Variants in ACTN2 observed in about 807,000 individuals in gnomAD.
The protein encoded by ACTN2 is actinin alpha 2.
A neutral mutation model predicts 113.8 loss-of-function variants in ACTN2; 39 were observed. The ratio of observed to expected loss-of-function variants is 0.34; its 90% CI spans 0.27 to 0.45. The LOEUF (loss-of-function observed/expected upper bound fraction) is 0.45, where lower values mean the gene tolerates loss of function less well. Among genes scored for constraint, ACTN2 ranks in the 20% least tolerant of loss-of-function variants. ACTN2 has a pLI of 1.00. For synonymous variants in ACTN2, 429 were observed against 444.1 expected, an observed-to-expected ratio of 0.97 and a Z score of 0.43; for missense variants, 992 against 1,177.9, an observed-to-expected ratio of 0.84 and a Z score of 2.31.
Position 236,754,096 on chromosome 1 carries a change from T to G in ACTN2, c.1974+15T>G, listed in dbSNP as rs544375497. 1 of 1,613,070 alleles carries G rather than the reference T, an allele frequency of 6.2e-7. No individual in the cohort carries two copies. Among genetic ancestry groups the G allele is most frequent in the East Asian group, 2.2e-5 (1 of 44,888 alleles). Reference sequence around the variant, plus strand: ...ACAAGATGGAGGTAAGCCAGCGCCCTCCCAGGCGCTGTTCACAAGCCTTGC... The same window carrying G: ...ACAAGATGGAGGTAAGCCAGCGCCCGCCCAGGCGCTGTTCACAAGCCTTGC... On this transcript the variant is annotated intron_variant, in intron 16 of 20. Transcript: ENST00000366578. The surrounding 1 kb of genome is among the most constrained non-coding windows in gnomAD (Gnocchi z 4.9).
intron 14 of ACTN2, among the ~76,000 whole-genome samples, chr1:236,751,238 A>G (rs1659385839): frequency 6.6e-6 from 1 of 152,154 alleles, no homozygotes; most frequent in African/African-American, 2.4e-5. Context: ...AAAAGACTCT[A>G]CATGAATAGC....
chr1:236,760,475 A>G (rs879884894), intron 19 of ACTN2, among the ~76,000 whole-genome samples: 4 of 152,196 alleles, frequency 2.6e-5, no homozygotes, highest in African/African-American at 4.8e-5. Flanking sequence ...GCTGAAAGGT[A>G]AAAAAGGTTT....
At position 236,754,155 on chromosome 1, in the gene ACTN2, G is replaced by A. The variant is rs189782834; in HGVS notation, c.1974+74G>A. The A allele has an allele frequency of 6.2e-5, 98 of 1,586,050 alleles. No individual in the cohort carries two copies. Among genetic ancestry groups the A allele is most frequent in the Middle Eastern group, 6.0e-4 (3 of 4,994 alleles). On this transcript the variant is annotated intron_variant, in intron 16 of 20. Coordinates refer to ENST00000366578, the MANE Select transcript of ACTN2 (RefSeq NM_001103.4). This position sits in a 1 kb window ranked among gnomAD's most constrained non-coding sequence, Gnocchi z 4.9. Reference sequence around the variant, plus strand: ...CCTTTAGCCACGCAGCAGTGACACCGCACATGCTGTGGTTTCCAGCCACCC... The same window carrying A: ...CCTTTAGCCACGCAGCAGTGACACCACACATGCTGTGGTTTCCAGCCACCC...
chr1:236,713,195 G>A (rs1209086544), intron 1 of ACTN2, among the ~76,000 whole-genome samples: 1 of 150,932 alleles, frequency 6.6e-6, no homozygotes, highest in Non-Finnish European at 1.5e-5. Context: ...GATATGGAAT[G>A]ATCTCTAGGT....
intron 4 of ACTN2, among the ~76,000 whole-genome samples, chr1:236,722,084 C>T (rs1658413250): frequency 6.6e-6 from 1 of 152,100 alleles, no homozygotes; most frequent in Admixed American, 6.6e-5. Context: ...CCTACTAGAT[C>T]TCTTCAAGCA....
At chr1:236,704,163 C>G (rs899147545) in intron 1 of ACTN2, among the ~76,000 whole-genome samples, 2 of 152,164 alleles carry the variant, frequency 1.3e-5, no homozygotes, top group African/African-American at 4.8e-5. Flanking sequence ...GGGAAGCGTA[C>G]TGTAATTTGA....
In ACTN2 at chr1:236,735,383, AG is replaced by A. The variant is rs143344656; in HGVS notation, c.698-248del. Among the ~76,000 whole-genome samples, 9,073 of 152,158 alleles carry A rather than the reference AG, an allele frequency of 0.06. 321 individuals are homozygous for A. The highest frequency in any genetic ancestry group is 0.11 in the Middle Eastern group (33 of 294). On this transcript the variant is annotated intron_variant, in intron 7 of 20. Coordinates refer to ENST00000366578, the MANE Select transcript of ACTN2 (RefSeq NM_001103.4). ...TGAATGCACCTTTAAAAGCCCATCA[AG>A]GGGTGGGGGAGAAAACAAGCCCTCA...
At chr1:236,758,049 A>G (rs1454563018) in intron 18 of ACTN2, among the ~76,000 whole-genome samples, 4 of 152,014 alleles carry the variant, frequency 2.6e-5, no homozygotes, top group East Asian at 1.9e-4. Flanking sequence ...AACATATAAA[A>G]CTCAGTTTTC....
chr1:236,721,015 G>GGTTTTTTTTTTTTTTTTTTTTTTTTTTTT lies in ACTN2; in HGVS notation c.448+824_448+825insGTTTTTTTTTTTTTTTTTTTTTTTTTTTT. Reference sequence around the variant, plus strand: ...ACAGTAGCCTCTGACTCTGGTTTTTGTTTTTTGTTTTTTTTTTTTTTTTTT... The same window carrying GGTTTTTTTTTTTTTTTTTTTTTTTTTTTT: ...ACAGTAGCCTCTGACTCTGGTTTTTGGTTTTTTTTTTTTTTTTTTTTTTTTTTTTTTTTTTGTTTTTTTTTTTTTTTTTT... On this transcript the variant is annotated intron_variant, in intron 4 of 20. Coordinates refer to ENST00000366578, the MANE Select transcript of ACTN2 (RefSeq NM_001103.4). Among the ~76,000 whole-genome samples, 298 of 49,174 alleles carry GGTTTTTTTTTTTTTTTTTTTTTTTTTTTT rather than the reference G, an allele frequency of 6.1e-3. 136 individuals carry two copies. The highest frequency in any genetic ancestry group is 7.8e-3 in the Non-Finnish European group (230 of 29,432). 32.3% of individuals were successfully genotyped at this position (49,174 alleles called of 152,430 possible). A position where few individuals can be genotyped will look rare whatever the true frequency, so the allele number is the denominator to read the frequency against.
intron 10 of ACTN2, among the ~76,000 whole-genome samples, chr1:236,741,451 G>A (rs1240300873): frequency 6.6e-6 from 1 of 152,110 alleles, no homozygotes; most frequent in Non-Finnish European, 1.5e-5. Flanking sequence ...ATATATTATA[G>A]CATATTAAAC....
intron 12 of ACTN2, among the ~76,000 whole-genome samples, chr1:236,746,653 G>A (rs1163959460): frequency 2.0e-5 from 3 of 150,920 alleles, no homozygotes; most frequent in African/African-American, 4.9e-5. Context: ...CTGTAATAAC[G>A]TATGATCACC....
At chr1:236,692,277 A>T (rs983177015) in intron 1 of ACTN2, among the ~76,000 whole-genome samples, 3 of 152,258 alleles carry the variant, frequency 2.0e-5, no homozygotes, top group Non-Finnish European at 4.4e-5. Flanking sequence ...CCAATTAAGT[A>T]GATATGATCC....
At chr1:236,739,259 GC>G in intron 9 of ACTN2, 42 bp from the exon 10 acceptor site, 4 of 1,587,928 alleles carry the variant, frequency 2.5e-6, no homozygotes, top group Non-Finnish European at 2.6e-6. Flanking sequence ...GGGGGAGGGG[GC>G]TTGCTGGTGT....
chr1:236,751,724 C>T (rs1659402208), intron 15 of ACTN2, 72 bp downstream of exon 15: 18 of 1,572,630 alleles, frequency 1.1e-5, no homozygotes, highest in Non-Finnish European at 1.4e-5. Flanking sequence ...GAAGTTAACG[C>T]CTCGGGGACT....
rs1464678431 is a variant in ACTN2, at chr1:236,754,205, C to G, written c.1974+124C>G. On this transcript the variant is annotated intron_variant, in intron 16 of 20. Coordinates refer to ENST00000366578, the MANE Select transcript of ACTN2 (RefSeq NM_001103.4). This position sits in a 1 kb window ranked among gnomAD's most constrained non-coding sequence, Gnocchi z 4.9. ...CACTCAGTCAGGTGGGAGCACCGTT[C>G]TGTTATCACCCCGGCTTTATCTTTC... 7 of 1,281,840 alleles carry G rather than the reference C, an allele frequency of 5.5e-6. No homozygotes were observed. The African/African-American group carries it at 1.0e-4, about 19-fold the overall frequency. The allele number at this position is 1,281,840 out of a possible 1,614,324, so 79.4% of individuals were successfully genotyped here.
Position 236,716,089 on chromosome 1 carries a change from CCTT to C in ACTN2, c.127-1759_127-1757del, listed in dbSNP as rs202081364. On this transcript the variant is annotated intron_variant, in intron 1 of 20. Transcript: ENST00000366578. ...TTTATTACTGTAAATCCAAAAAATC[CCTT>C]CTTCTTCTTTTTTTTTTTTTTTTTG... Among the ~76,000 whole-genome samples, 467 of 133,570 alleles carry C rather than the reference CCTT, an allele frequency of 3.5e-3. 2 individuals are homozygous for C. Among genetic ancestry groups the C allele is most frequent in the Middle Eastern group, 7.6e-3 (2 of 262 alleles). The allele number at this position is 133,570 out of a possible 152,430, so 87.6% of individuals were successfully genotyped here.
At chr1:236,758,179 G>A (rs1409279662) in intron 18 of ACTN2, among the ~76,000 whole-genome samples, 1 of 151,834 alleles carries the variant, frequency 6.6e-6, no homozygotes, top group Non-Finnish European at 1.5e-5. Flanking sequence ...ATATCATCTA[G>A]TATTCTGATT....
chr1:236,724,000 T>C (rs1287960065), intron 4 of ACTN2, among the ~76,000 whole-genome samples: 1 of 152,136 alleles, frequency 6.6e-6, no homozygotes, highest in African/African-American at 2.4e-5. Flanking sequence ...TACTAGAAAT[T>C]GTTGTAGTCT....
At chr1:236,725,861 C>T in intron 4 of ACTN2, 72 bp from the exon 5 acceptor site, 12 of 1,435,854 alleles carry the variant, frequency 8.4e-6, no homozygotes, top group Non-Finnish European at 1.2e-5. Flanking sequence ...AGGTCTGTTT[C>T]AAAAGTGACT....
Sources: gnomAD v4.1 joint callset for allele counts (sites outside exome capture counted in the v4.1 genomes callset) on GRCh38, gnomAD v4.1.1 for gene constraint, Gnocchi (gnomAD v3.1) non-coding constraint, MANE v1.5 for transcripts, NCBI Gene and HGNC (gene_info 2026-07-23, HGNC 2026-07-21) for gene names.